Variants in EXOC2 observed in about 807,000 individuals in gnomAD.
EXOC2 encodes the protein SEC5-like 1.
In EXOC2, 70 loss-of-function variants were observed where a neutral mutation model predicts 131.8. The observed-to-expected ratio is 0.53, with a 90% confidence interval of 0.44 to 0.65. The LOEUF (loss-of-function observed/expected upper bound fraction) is 0.65, where lower values mean the gene tolerates loss of function less well. Among genes scored for constraint, EXOC2 ranks in the 30% least tolerant of loss-of-function variants. EXOC2 has a pLI of 0.00. For synonymous variants in EXOC2, 411 were observed against 398.4 expected (o/e 1.03, Z -0.38); for missense variants, 923 against 1,108.6 (o/e 0.83, Z 2.38).
chr6:507,642 A>G (rs950069675), intron 23 of EXOC2, among the ~76,000 whole-genome samples: 1 of 152,154 alleles, frequency 6.6e-6, no homozygotes, highest in Non-Finnish European at 1.5e-5. Flanking sequence ...TGCTGATCTC[A>G]TGGGAATAAT....
At position 497,469 on chromosome 6, in the gene EXOC2, T is replaced by C; in HGVS notation, c.2457A>G (p.Glu819=). The C allele has an allele frequency of 6.2e-7, 1 of 1,612,118 alleles. No homozygotes were observed. Among genetic ancestry groups the C allele is most frequent in the Non-Finnish European group, 8.5e-7 (1 of 1,179,162 alleles). Residue 819 remains glutamate, a synonymous_variant, in exon 25 of 28, where the codon GAA becomes GAG. Coordinates refer to ENST00000230449, the MANE Select transcript of EXOC2 (RefSeq NM_018303.6). The stretch of plus-strand genomic sequence containing the variant: ...CCTTGGATAGTACCCGAGGGACCAG[T>C]TCTTTGGAAATGGTGAACACCTGGT... ...VHAEVFTISK[E]LVPRVLSKVI...
chr6:521,530 C>CTT (rs965414802), intron 23 of EXOC2, among the ~76,000 whole-genome samples: 4 of 144,296 alleles, frequency 2.8e-5, no homozygotes, highest in East Asian at 2.0e-4. Context: ...CATTTGAATT[C>CTT]TTTTTTTTTT....
chr6:629,707 C>T, intron 4 of EXOC2, 128 bp downstream of exon 4: 1 of 1,140,122 alleles, frequency 8.8e-7, no homozygotes, highest in Non-Finnish European at 1.2e-6. Flanking sequence ...CACCCATCTC[C>T]AAACAACTGA....
At chr6:566,792 C>T (rs945106418) in intron 13 of EXOC2, among the ~76,000 whole-genome samples, 4 of 152,188 alleles carry the variant, frequency 2.6e-5, no homozygotes, top group African/African-American at 9.7e-5. Context: ...CCAAATATCT[C>T]CTCTGTGACC....
At chr6:510,375 A>T (rs1438027812) in intron 23 of EXOC2, among the ~76,000 whole-genome samples, 3 of 151,894 alleles carry the variant, frequency 2.0e-5, no homozygotes, top group Non-Finnish European at 4.4e-5. Context: ...TTTCCATCCC[A>T]GGATTTTTTT....
intron 11 of EXOC2, among the ~76,000 whole-genome samples, chr6:578,310 C>T (rs976443843): frequency 6.6e-6 from 1 of 152,080 alleles, no homozygotes; most frequent in African/African-American, 2.4e-5. Context: ...TTATTGAGCT[C>T]CCTCCCGCAT....
intron 25 of EXOC2, among the ~76,000 whole-genome samples, chr6:493,145 C>T (rs1422983739): frequency 6.6e-6 from 1 of 152,190 alleles, no homozygotes; most frequent in Admixed American, 6.5e-5. Flanking sequence ...ACAAAAGACA[C>T]AGCCAGCTCT....
chr6:689,685 T>C (rs1764828304), intron 1 of EXOC2, among the ~76,000 whole-genome samples: 2 of 152,222 alleles, frequency 1.3e-5, no homozygotes, highest in Non-Finnish European at 2.9e-5. Flanking sequence ...CTAATATTAT[T>C]TGATTTTTAA....
chr6:524,700 C>T (rs1057417618), intron 23 of EXOC2, among the ~76,000 whole-genome samples: 4 of 152,086 alleles, frequency 2.6e-5, no homozygotes, highest in Non-Finnish European at 4.4e-5. Context: ...ACCATTTGGA[C>T]TTGGAATTTT....
chr6:631,305 C>A (rs111901927), intron 3 of EXOC2, among the ~76,000 whole-genome samples: 1 of 152,058 alleles, frequency 6.6e-6, no homozygotes, highest in Non-Finnish European at 1.5e-5. Context: ...TTTGGGAGGC[C>A]GAGGTGGGCG....
chr6:656,849 G>A (rs1581641247), intron 1 of EXOC2: 1 of 1,610,808 alleles, frequency 6.2e-7, no homozygotes, highest in South Asian at 1.1e-5. Context: ...GGCGCACGCG[G>A]AGCACGCAGA....
intron 7 of EXOC2, among the ~76,000 whole-genome samples, chr6:599,841 G>C (rs548073640): frequency 3.9e-4 from 58 of 149,372 alleles, no homozygotes; most frequent in Non-Finnish European, 5.5e-4. Flanking sequence ...TACATGAGCT[G>C]CACATTTCCT....
At chr6:671,351 C>CAAAA (rs112606289) in intron 1 of EXOC2, among the ~76,000 whole-genome samples, 2 of 147,326 alleles carry the variant, frequency 1.4e-5, no homozygotes, top group South Asian at 2.1e-4. Context: ...ACAACAACAA[C>CAAAA]AACAAAAAAA....
chr6:521,619 C>CA (rs1467715067), intron 23 of EXOC2, among the ~76,000 whole-genome samples: 1 of 152,056 alleles, frequency 6.6e-6, no homozygotes, highest in Non-Finnish European at 1.5e-5. Flanking sequence ...CTTGACCTCC[C>CA]AGGCTCACGT....
intron 23 of EXOC2, among the ~76,000 whole-genome samples, chr6:522,225 A>C (rs569163988): frequency 6.6e-6 from 1 of 152,172 alleles, no homozygotes; most frequent in Non-Finnish European, 1.5e-5. Context: ...TCTTAGGTGA[A>C]ATGATGGTAC....
intron 11 of EXOC2, among the ~76,000 whole-genome samples, chr6:590,313 A>G (rs1236406936): frequency 6.6e-6 from 1 of 152,242 alleles, no homozygotes. Flanking sequence ...AAAATAATTA[A>G]TGACATTAAT....
At chr6:522,183 C>A (rs1198484695) in intron 23 of EXOC2, among the ~76,000 whole-genome samples, 1 of 152,236 alleles carries the variant, frequency 6.6e-6, no homozygotes, top group African/African-American at 2.4e-5. Context: ...ACCAGCAGGA[C>A]AGTGTGTGGT....
rs779462173 is a variant in EXOC2, at chr6:491,185, G to A, written c.2561C>T (p.Ala854Val). 4.3e-6 allele frequency: 7 copies of A among 1,613,880 alleles called. No individual in the cohort carries two copies. Among genetic ancestry groups the A allele is most frequent in the African/African-American group, 1.3e-5 (1 of 74,866 alleles). The change falls in exon 26 of 28, where the codon GCG (alanine) becomes GTG (valine). Residue 854 changes from alanine (A) to valine (V), a missense_variant and splice_region_variant. Ala to Val is a moderately conservative substitution (Grantham distance 64). Coordinates refer to ENST00000230449, the MANE Select transcript of EXOC2 (RefSeq NM_018303.6). ...CCTCAAAGCACAGATTTCAAGTCTC[G>A]CCTGAAAATGAGAAAAAGACAAAGT... is the stretch of plus-strand genomic sequence containing the variant. ...SSFSKNGALQ[A>V]RLEICALRDT...
intron 22 of EXOC2, among the ~76,000 whole-genome samples, chr6:540,890 A>G (rs982224048): frequency 1.3e-5 from 2 of 152,246 alleles, no homozygotes; most frequent in African/African-American, 4.8e-5. Flanking sequence ...AAAGTATCTA[A>G]AAAGGAGCCA....
Sources: gnomAD v4.1 joint callset for allele counts (sites outside exome capture counted in the v4.1 genomes callset) on GRCh38, gnomAD v4.1.1 for gene constraint, MANE v1.5 for transcripts, NCBI Gene and HGNC (gene_info 2026-07-23, HGNC 2026-07-21) for gene names.